Variants in PHF14 observed in about 807,000 individuals in gnomAD.
PHF14 encodes PHD finger protein 14.
PHF14 carries 55 observed loss-of-function variants against 117.9 expected under a neutral mutation model. The observed-to-expected ratio is 0.47, with a 90% CI of 0.38 to 0.58. The LOEUF is 0.58. Among genes scored for constraint, PHF14 ranks in the 20% least tolerant of loss-of-function variants. PHF14 has a pLI of 0.00. For synonymous variants in PHF14, 409 were observed against 368.6 expected (o/e 1.11, Z -1.26); for missense variants, 978 against 1,122.2 (o/e 0.87, Z 1.84).
chr7:11,104,570 A>G (rs569897311), intron 16 of PHF14: 607 of 983,402 alleles, frequency 6.2e-4, no homozygotes, highest in Admixed American at 1.1e-3. Flanking sequence ...TTTATCACAC[A>G]GTAGGGAAAG....
At chr7:11,038,410 G>A (rs573170565) in intron 10 of PHF14, among the ~76,000 whole-genome samples, 10 of 143,616 alleles carry the variant, frequency 7.0e-5, no homozygotes, top group Middle Eastern at 8.0e-3. Context: ...TAGCCTGGGC[G>A]ACAGAGTGAG....
chr7:11,070,994 C>T (rs980829929), intron 16 of PHF14, among the ~76,000 whole-genome samples: 3 of 152,098 alleles, frequency 2.0e-5, no homozygotes, highest in African/African-American at 4.8e-5. Flanking sequence ...ACTTAAAAAT[C>T]GTGTATGCTT....
chr7:11,133,743 T>C (rs1260268663), intron 17 of PHF14, among the ~76,000 whole-genome samples: 3 of 152,004 alleles, frequency 2.0e-5, no homozygotes, highest in African/African-American at 7.2e-5. Flanking sequence ...ATTTGGATTA[T>C]CCTCAACCAC....
intron 17 of PHF14, among the ~76,000 whole-genome samples, chr7:11,143,143 A>G (rs970479765): frequency 1.3e-5 from 2 of 152,194 alleles, no homozygotes; most frequent in African/African-American, 4.8e-5. Context: ...AACAATGGAA[A>G]AACAAAATTG....
chr7:11,123,018 C>T (rs1787820652), intron 17 of PHF14, among the ~76,000 whole-genome samples: 1 of 152,178 alleles, frequency 6.6e-6, no homozygotes, highest in Admixed American at 6.5e-5. Flanking sequence ...ATACTTCTTT[C>T]TCGCCTTCAG....
At chr7:11,059,299 T>A (rs1330530984) in intron 14 of PHF14, among the ~76,000 whole-genome samples, 1 of 152,204 alleles carries the variant, frequency 6.6e-6, no homozygotes, top group African/African-American at 2.4e-5. Context: ...AATACATACT[T>A]GAAAAATTCA....
chr7:11,033,113 C>G lies in PHF14; in HGVS notation c.1456-2527C>G, dbSNP rs559939829. 2.0e-3 allele frequency among the ~76,000 whole-genome samples: 306 copies of G among 152,326 alleles called. 3 individuals are homozygous for G. The highest frequency in any genetic ancestry group is 6.9e-3 in the African/African-American group (285 of 41,568). On this transcript the variant is annotated intron_variant, in intron 7 of 17. Coordinates refer to ENST00000634607, the MANE Select transcript of PHF14 (RefSeq NM_001007157.2). ...AAACATGTTTTTCCCTTTCTGTCTT[C>G]CACTGGGAGTAGGATCTTGAAAGCT...
chr7:10,978,384 T>C (rs1320435929), intron 2 of PHF14, among the ~76,000 whole-genome samples: 1 of 152,114 alleles, frequency 6.6e-6, no homozygotes, highest in Non-Finnish European at 1.5e-5. Flanking sequence ...TGAGATTAGA[T>C]TGATGTAGAA....
chr7:11,082,542 T>C (rs1786189683), intron 16 of PHF14, among the ~76,000 whole-genome samples: 1 of 152,248 alleles, frequency 6.6e-6, no homozygotes, highest in Admixed American at 6.5e-5. Context: ...CAATCATTTA[T>C]GCTTTCTGAT....
intron 16 of PHF14, among the ~76,000 whole-genome samples, chr7:11,101,241 T>G (rs1423616452): frequency 6.6e-6 from 1 of 151,946 alleles, no homozygotes; most frequent in Non-Finnish European, 1.5e-5. Flanking sequence ...CTAATGTGTC[T>G]ATATTCGGAT....
chr7:10,983,910 G>T (rs1782129358), intron 3 of PHF14, among the ~76,000 whole-genome samples: 1 of 152,072 alleles, frequency 6.6e-6, no homozygotes, highest in African/African-American at 2.4e-5. Flanking sequence ...CATCATTCAA[G>T]ACTCTTCAGT....
rs1418485920 is a variant in PHF14, at chr7:11,100,458, AC to A, written c.2655-10891del. 6.6e-5 allele frequency among the ~76,000 whole-genome samples: 10 copies of A among 152,130 alleles called. No individual in the cohort carries two copies. The East Asian group carries it at 1.7e-3, about 26-fold the overall frequency. On this transcript the variant is annotated intron_variant, in intron 16 of 17. Coordinates refer to ENST00000634607, the MANE Select transcript of PHF14 (RefSeq NM_001007157.2). ...AGAGAGGTAACTGGGGTACATAGAC[AC>A]TAAGCAGTGTGAAATAGAAATTATT...
Position 10,973,911 on chromosome 7 carries a change from T to G in PHF14, c.-413T>G. 5.6e-6 allele frequency: 1 copy of G among 177,658 alleles called. No homozygotes were observed. The allele number at this position is 177,658 out of a possible 1,614,324, so 11.0% of individuals were successfully genotyped here. ...GCTGTATCCGGGTCGCTGCTTTCCCTATTGTCTGAGGCAGCCGCCCTCGCG... is the reference window on the plus strand; with the variant it reads ...GCTGTATCCGGGTCGCTGCTTTCCCGATTGTCTGAGGCAGCCGCCCTCGCG... On this transcript the variant is annotated 5_prime_UTR_variant, in exon 1 of 18. Coordinates refer to ENST00000634607, the MANE Select transcript of PHF14 (RefSeq NM_001007157.2).
rs542416463 is a variant in PHF14 at position 11,112,427 on chromosome 7, A to G, written c.2772+960A>G. 3.3e-5 allele frequency among the ~76,000 whole-genome samples: 5 copies of G among 152,308 alleles called. No individual in the cohort carries two copies. In the East Asian group the frequency reaches 9.6e-4, roughly 29 times the overall value. The stretch of plus-strand genomic sequence containing the variant: ...TATTTATTAAAAACTGCAAAAAGAC[A>G]TTTGGTTATAGAAAGAAACTAAACT... On this transcript the variant is annotated intron_variant, in intron 17 of 17. Coordinates refer to ENST00000634607, the MANE Select transcript of PHF14 (RefSeq NM_001007157.2).
rs183105549 is a variant in PHF14 at position 11,053,028 on chromosome 7, C to T, written c.2481+1248C>T. ...TTATGAATTCTTAGGGCATACTTTC[C>T]TTGCTTGAGCTGAGGCAGGCACTTT... On this transcript the variant is annotated intron_variant, in intron 14 of 17. Coordinates refer to ENST00000634607, the MANE Select transcript of PHF14 (RefSeq NM_001007157.2). Among the ~76,000 whole-genome samples the T allele has an allele frequency of 6.1e-3, 930 of 152,186 alleles. 4 individuals carry two copies. Among genetic ancestry groups the T allele is most frequent in the Non-Finnish European group, 9.2e-3 (622 of 67,966 alleles).
At chr7:11,029,434 A>G (rs909381603) in intron 7 of PHF14, among the ~76,000 whole-genome samples, 15 of 152,176 alleles carry the variant, frequency 9.9e-5, no homozygotes, top group African/African-American at 4.8e-5. Context: ...CAGAGATTAC[A>G]TACAGTATAA....
At chr7:11,081,352 A>G (rs908253079) in intron 16 of PHF14, among the ~76,000 whole-genome samples, 1 of 152,192 alleles carries the variant, frequency 6.6e-6, no homozygotes, top group Non-Finnish European at 1.5e-5. Flanking sequence ...AAATTAGCTC[A>G]ATTTTTATAT....
At chr7:11,165,202 C>T (rs529401519) in intron 17 of PHF14, among the ~76,000 whole-genome samples, 230 of 152,302 alleles carry the variant, frequency 1.5e-3, no homozygotes, top group African/African-American at 5.4e-3. Flanking sequence ...GGATTACAGG[C>T]GTGAGCCACT....
intron 16 of PHF14, among the ~76,000 whole-genome samples, chr7:11,088,234 T>C (rs1048498342): frequency 2.0e-5 from 3 of 152,212 alleles, no homozygotes; most frequent in Admixed American, 1.3e-4. Flanking sequence ...ATGTAAATAG[T>C]TGTTATACCA....
Sources: gnomAD v4.1 joint callset for allele counts (sites outside exome capture counted in the v4.1 genomes callset) on GRCh38, gnomAD v4.1.1 for gene constraint, MANE v1.5 for transcripts, NCBI Gene and HGNC (gene_info 2026-07-23, HGNC 2026-07-21) for gene names.